The following ATP9B variants were observed in gnomAD, a reference collection of about 807,000 sequenced individuals.
The protein encoded by ATP9B is probable phospholipid-transporting ATPase IIB.
ATP9B carries 110 observed loss-of-function variants against 146.1 expected under a neutral mutation model. That is an observed-to-expected ratio of 0.75 (90% CI 0.65 to 0.88). The LOEUF (loss-of-function observed/expected upper bound fraction) is 0.88, where lower values mean the gene tolerates loss of function less well. Ranked by LOEUF, ATP9B falls within the 40% of genes least tolerant of loss-of-function variation. The pLI, the probability that ATP9B is intolerant of heterozygous loss-of-function variation, is 0.00. For missense variants in ATP9B, 1,499 were observed against 1,496.4 expected (o/e 1.00, Z -0.03); for synonymous variants, 604 against 569.7 (o/e 1.06, Z -0.86).
intron 6 of ATP9B, chr18:79,144,751 T>TTATTTC (rs1167585849): frequency 6.6e-6 from 1 of 152,576 alleles, no homozygotes; most frequent in African/African-American, 2.4e-5. Context: ...ATTTTTATTT[T>TTATTTC]TTTTCTGAAT....
At chr18:79,212,170 T>A (rs1321707179) in intron 10 of ATP9B, among the ~76,000 whole-genome samples, 1 of 152,240 alleles carries the variant, frequency 6.6e-6, no homozygotes, top group East Asian at 1.9e-4. Flanking sequence ...ATTTCTGCAC[T>A]GATTCTAGTT....
intron 11 of ATP9B, among the ~76,000 whole-genome samples, chr18:79,251,015 C>T (rs1371291898): frequency 6.6e-6 from 1 of 152,222 alleles, no homozygotes; most frequent in East Asian, 1.9e-4. Flanking sequence ...TGAAAATGAG[C>T]TGCTGTCTGT....
chr18:79,234,654 C>G (rs76578375), intron 11 of ATP9B, among the ~76,000 whole-genome samples: 1,848 of 146,040 alleles, frequency 0.013, 25 homozygotes, highest in African/African-American at 0.035. Flanking sequence ...GGGCGTGCTT[C>G]GTGTGGGTGT....
At chr18:79,162,367 A>T (rs2094896122) in intron 7 of ATP9B, among the ~76,000 whole-genome samples, 2 of 152,214 alleles carry the variant, frequency 1.3e-5, no homozygotes, top group African/African-American at 4.8e-5. Flanking sequence ...TTAAATTCCA[A>T]TTAATCAATT....
intron 11 of ATP9B, among the ~76,000 whole-genome samples, chr18:79,216,190 T>A (rs1186512393): frequency 6.6e-6 from 1 of 152,236 alleles, no homozygotes; most frequent in Non-Finnish European, 1.5e-5. Flanking sequence ...ATTTTTTCAT[T>A]TCAGTCTCCA....
At chr18:79,084,505 T>C (rs985838572) in intron 1 of ATP9B, among the ~76,000 whole-genome samples, 3 of 151,662 alleles carry the variant, frequency 2.0e-5, no homozygotes, top group Non-Finnish European at 2.9e-5. Context: ...ATTTAAACTT[T>C]GGGAAGTGTG....
At chr18:79,136,497 C>T (rs976009212) in intron 5 of ATP9B, among the ~76,000 whole-genome samples, 3 of 152,156 alleles carry the variant, frequency 2.0e-5, no homozygotes, top group Non-Finnish European at 4.4e-5. Flanking sequence ...ATATAAGTTG[C>T]ATTAAATATG....
chr18:79,345,105 A>C (rs946692694), intron 21 of ATP9B, among the ~76,000 whole-genome samples: 9 of 152,204 alleles, frequency 5.9e-5, no homozygotes, highest in African/African-American at 2.2e-4. Flanking sequence ...AAAGTCACTA[A>C]GGCAGCTTGG....
chr18:79,313,858 G>A (rs537004449), intron 15 of ATP9B, among the ~76,000 whole-genome samples: 11 of 152,158 alleles, frequency 7.2e-5, no homozygotes, highest in South Asian at 6.2e-4. Context: ...TCCCTAAAAC[G>A]TATTTTAAAT....
At chr18:79,079,285 A>G (rs1195436929) in intron 1 of ATP9B, among the ~76,000 whole-genome samples, 1 of 152,224 alleles carries the variant, frequency 6.6e-6, no homozygotes, top group Admixed American at 6.5e-5. Flanking sequence ...CCAACAGTAT[A>G]AAAGTGTTCC....
Position 79,214,014 on chromosome 18 carries a change from G to A in ATP9B, c.1083G>A (p.Met361Ile), listed in dbSNP as rs1362408145. Residue 361 changes from methionine to isoleucine, a missense_variant, in exon 11 of 30, where the codon ATG becomes ATA. Coordinates refer to ENST00000426216, the MANE Select transcript of ATP9B (RefSeq NM_198531.5). ...CCGGAAAAGAGACTCGAAGTGTAAT[G>A]AACACATCCAATCCAAAAAATAAGG... The part of the protein sequence containing the change: ...IYTGKETRSV[M>I]NTSNPKNKVG... 1 of 1,602,006 alleles carries A rather than the reference G, an allele frequency of 6.2e-7. No homozygotes were observed.
At chr18:79,277,310 C>G in intron 13 of ATP9B, 114 bp downstream of exon 13, 13 of 1,306,676 alleles carry the variant, frequency 9.9e-6, no homozygotes, top group Non-Finnish European at 1.4e-5. Flanking sequence ...TGTATTGGAA[C>G]AGATCATTGA....
At chr18:79,294,014 A>G (rs555562710) in intron 13 of ATP9B, among the ~76,000 whole-genome samples, 2 of 152,268 alleles carry the variant, frequency 1.3e-5, no homozygotes, top group Non-Finnish European at 2.9e-5. Flanking sequence ...GTATAATAGC[A>G]TAGCTGAAGT....
intron 1 of ATP9B, among the ~76,000 whole-genome samples, chr18:79,089,624 AATT>A (rs1286661417): frequency 6.6e-6 from 1 of 152,098 alleles, no homozygotes; most frequent in African/African-American, 2.4e-5. Context: ...AATTATTGTT[AATT>A]ATTCGTTATT....
At chr18:79,188,401 G>A (rs12327026) in intron 8 of ATP9B, among the ~76,000 whole-genome samples, 11 of 152,158 alleles carry the variant, frequency 7.2e-5, no homozygotes, top group African/African-American at 2.2e-4. Context: ...TCGGCCCTCG[G>A]TGCTCCCTGT....
chr18:79,121,975 T>C (rs2094197417), intron 4 of ATP9B, among the ~76,000 whole-genome samples: 1 of 152,206 alleles, frequency 6.6e-6, no homozygotes, highest in Admixed American at 6.5e-5. Flanking sequence ...TCAATGAATT[T>C]GGTTAACTTT....
Position 79,238,855 on chromosome 18 carries a change from C to CGCAGTGAAGCGGAT in ATP9B, c.1108-14518_1108-14505dup, listed in dbSNP as rs1411342431. On this transcript the variant is annotated intron_variant, in intron 11 of 29. Transcript: ENST00000426216. ...GTGGCCACATGGGCAGTGACGCGGA[C>CGCAGTGAAGCGGAT]GCAGTGAAGCGGATGCAGTGACGCA... Among the ~76,000 whole-genome samples, 1,442 of 151,544 alleles carry CGCAGTGAAGCGGAT rather than the reference C, an allele frequency of 9.5e-3. 51 individuals carry two copies. Among genetic ancestry groups the CGCAGTGAAGCGGAT allele is most frequent in the Admixed American group, 0.068 (1,041 of 15,258 alleles).
chr18:79,084,112 C>T (rs2073569663), intron 1 of ATP9B, among the ~76,000 whole-genome samples: 1 of 151,706 alleles, frequency 6.6e-6, no homozygotes, highest in African/African-American at 2.4e-5. Flanking sequence ...CCGCCTCGGC[C>T]TCCCAAATTG....
At chr18:79,211,242 G>A (rs939405256) in intron 10 of ATP9B, among the ~76,000 whole-genome samples, 8 of 152,140 alleles carry the variant, frequency 5.3e-5, no homozygotes, top group Non-Finnish European at 8.8e-5. Context: ...TCTTTGTCTT[G>A]CTTTGCAACA....
Sources: allele counts gnomAD v4.1 joint callset (sites outside exome capture counted in the v4.1 genomes callset), GRCh38; gene constraint gnomAD v4.1.1; transcripts MANE v1.5; gene names NCBI Gene and HGNC (gene_info 2026-07-23, HGNC 2026-07-21).